The following VIPR2 variants were observed in gnomAD, a reference collection of about 807,000 sequenced individuals.
The protein encoded by VIPR2 is vasoactive intestinal peptide receptor 2.
A neutral mutation model predicts 58.0 loss-of-function variants in VIPR2; 48 were observed. That is an observed-to-expected ratio of 0.83 (90% CI 0.66 to 1.05). The LOEUF is 1.05. Among genes scored for constraint, VIPR2 ranks in the 50% least tolerant of loss-of-function variants. The pLI is 0.00. For missense variants in VIPR2, 534 were observed against 558.0 expected (o/e 0.96, Z 0.43); for synonymous variants, 243 against 235.2 (o/e 1.03, Z -0.30).
intron 2 of VIPR2, among the ~76,000 whole-genome samples, chr7:159,114,841 A>AG (rs1416793892): frequency 2.4e-5 from 3 of 127,338 alleles, no homozygotes; most frequent in Non-Finnish European, 4.9e-5. Flanking sequence ...GGAAGAAGGG[A>AG]GGGAGGGAGG....
intron 2 of VIPR2, among the ~76,000 whole-genome samples, chr7:159,129,932 C>T (rs1217815908): frequency 5.0e-5 from 5 of 100,558 alleles, no homozygotes; most frequent in Admixed American, 9.0e-5. Flanking sequence ...GCCAGGTGAC[C>T]AGCTTCACAC....
In VIPR2 at chr7:159,028,941, G is replaced by T. The variant is rs1192115975; in HGVS notation, c.*1675C>A. ...GAGCTTGTTGCAGCAGAGGGGTGTG[G>T]CCGGCGTGGCCCAGGGTGTGCAGGA... is the stretch of plus-strand genomic sequence containing the variant. On this transcript the variant is annotated 3_prime_UTR_variant, in exon 13 of 13. Coordinates refer to ENST00000262178, the MANE Select transcript of VIPR2 (RefSeq NM_003382.5). 1 of 152,718 alleles carries T rather than the reference G, an allele frequency of 6.5e-6. No homozygotes were observed. The highest frequency in any genetic ancestry group is 2.4e-5 in the African/African-American group (1 of 41,484). 9.5% of individuals were successfully genotyped at this position (152,718 alleles called of 1,614,324 possible).
chr7:159,137,479 C>A (rs1187299344), intron 2 of VIPR2, among the ~76,000 whole-genome samples: 2 of 152,174 alleles, frequency 1.3e-5, no homozygotes, highest in Non-Finnish European at 2.9e-5. Context: ...TGGGCTCAAG[C>A]AATCCTCCTG....
intron 4 of VIPR2, among the ~76,000 whole-genome samples, chr7:159,085,039 T>A (rs1246307821): frequency 6.6e-6 from 1 of 152,106 alleles, no homozygotes; most frequent in Non-Finnish European, 1.5e-5. Flanking sequence ...CAAGTTGAAT[T>A]TTTCTTCTTT....
intron 2 of VIPR2, among the ~76,000 whole-genome samples, chr7:159,119,221 A>T (rs571944635): frequency 4.6e-5 from 7 of 152,294 alleles, no homozygotes; most frequent in African/African-American, 1.7e-4. Context: ...GATGGGGCCC[A>T]GGCATGCAGG....
intron 2 of VIPR2, among the ~76,000 whole-genome samples, chr7:159,138,974 C>T (rs2129498096): frequency 6.6e-6 from 1 of 152,244 alleles, no homozygotes; most frequent in Admixed American, 6.5e-5. Flanking sequence ...AACATGATGC[C>T]ATCTCCTCTG....
At chr7:159,068,107 C>G (rs1356008637) in intron 4 of VIPR2, among the ~76,000 whole-genome samples, 3 of 152,200 alleles carry the variant, frequency 2.0e-5, no homozygotes, top group Non-Finnish European at 4.4e-5. Context: ...GGTGTGTTTA[C>G]TGAAAATATC....
At chr7:159,101,119 C>G (rs1858195633) in intron 4 of VIPR2, among the ~76,000 whole-genome samples, 1 of 142,036 alleles carries the variant, frequency 7.0e-6, no homozygotes, top group African/African-American at 2.7e-5. Flanking sequence ...GCGGTTCCGA[C>G]TGTTCCTGTG....
chr7:159,109,324 A>G (rs1795897202), intron 3 of VIPR2, among the ~76,000 whole-genome samples: 1 of 152,232 alleles, frequency 6.6e-6, no homozygotes, highest in Non-Finnish European at 1.5e-5. Context: ...AATTCCAGGC[A>G]GCATCAAACC....
chr7:159,095,816 CTTTTTT>C lies in VIPR2; in HGVS notation c.357+7935_357+7940del, dbSNP rs3838701. 6.6e-6 allele frequency among the ~76,000 whole-genome samples: 1 copy of C among 150,406 alleles called. No homozygotes were observed. The highest frequency in any genetic ancestry group is 2.4e-5 in the African/African-American group (1 of 41,002). ...ATCCCTTCAAAACTCTTCCTTCTCTCTTTTTTTTTTAAGTCTTTAACAGACCTCCCT... is the reference window on the plus strand; with the variant it reads ...ATCCCTTCAAAACTCTTCCTTCTCTCTTTTAAGTCTTTAACAGACCTCCCT... On this transcript the variant is annotated intron_variant, in intron 4 of 12. Coordinates refer to ENST00000262178, the MANE Select transcript of VIPR2 (RefSeq NM_003382.5). This position sits in a 1 kb window ranked among gnomAD's most constrained non-coding sequence, Gnocchi z 5.2.
At chr7:159,100,013 C>T (rs1350478631) in intron 4 of VIPR2, among the ~76,000 whole-genome samples, 2 of 152,284 alleles carry the variant, frequency 1.3e-5, no homozygotes, top group East Asian at 3.9e-4. Flanking sequence ...AGCTGGGCCC[C>T]CAACACTCAA....
chr7:159,105,992 T>C (rs1242787017), intron 3 of VIPR2, among the ~76,000 whole-genome samples: 1 of 152,182 alleles, frequency 6.6e-6, no homozygotes, highest in Non-Finnish European at 1.5e-5. Context: ...CCAATTAATC[T>C]CAGAGATGAG....
chr7:159,093,759 G>C lies in VIPR2; in HGVS notation c.357+9998C>G, dbSNP rs371831000. Among the ~76,000 whole-genome samples the C allele has an allele frequency of 7.4e-5, 9 of 121,218 alleles. No homozygotes were observed. The highest frequency in any genetic ancestry group is 7.7e-5 in the Non-Finnish European group (4 of 51,918). The allele number at this position is 121,218 out of a possible 152,430, so 79.5% of individuals were successfully genotyped here. ...ACCCCGCAGCGTCCCTGGGTCCGGA[G>C]ATGGGAGACCCCGCAGCGTCCCTGG... is the stretch of plus-strand genomic sequence containing the variant. On this transcript the variant is annotated intron_variant, in intron 4 of 12. Coordinates refer to ENST00000262178, the MANE Select transcript of VIPR2 (RefSeq NM_003382.5). The surrounding 1 kb of genome is among the most constrained non-coding windows in gnomAD (Gnocchi z 6.7).
chr7:159,054,961 T>G (rs965265965), intron 5 of VIPR2, among the ~76,000 whole-genome samples: 4 of 152,194 alleles, frequency 2.6e-5, no homozygotes, highest in Non-Finnish European at 4.4e-5. Flanking sequence ...AATATAAATG[T>G]GTGTACATAT....
chr7:159,143,996 A>AG (rs1408158370), intron 1 of VIPR2, among the ~76,000 whole-genome samples: 1 of 152,210 alleles, frequency 6.6e-6, no homozygotes, highest in Non-Finnish European at 1.5e-5. Flanking sequence ...CCAGCTGCGG[A>AG]GGGGCCGCGG....
At chr7:159,045,025 C>A (rs112516151) in intron 5 of VIPR2, among the ~76,000 whole-genome samples, 2 of 152,176 alleles carry the variant, frequency 1.3e-5, no homozygotes, top group African/African-American at 4.8e-5. Flanking sequence ...CCTGCCTTGG[C>A]CTCCCAAAGT....
In VIPR2 at chr7:159,099,913, C is replaced by T. The variant is rs1252109648; in HGVS notation, c.357+3844G>A. On this transcript the variant is annotated intron_variant, in intron 4 of 12. Transcript: ENST00000262178. The surrounding 1 kb of genome is among the most constrained non-coding windows in gnomAD (Gnocchi z 4.2). ...GTGTGATGACAGAGGCCGCAATGTT[C>T]CCCCTCTCCCTGGCTGAGCTGGGTG... 6.6e-6 allele frequency among the ~76,000 whole-genome samples: 1 copy of T among 152,148 alleles called. No homozygotes were observed. The highest frequency in any genetic ancestry group is 1.5e-5 in the Non-Finnish European group (1 of 68,028).
intron 4 of VIPR2, among the ~76,000 whole-genome samples, chr7:159,059,663 C>T (rs1014192344): frequency 3.9e-5 from 6 of 152,114 alleles, no homozygotes; most frequent in African/African-American, 1.4e-4. Flanking sequence ...TGGCCAGATC[C>T]CTTCTCCTTG....
At chr7:159,113,960 G>C (rs961308450) in intron 2 of VIPR2, among the ~76,000 whole-genome samples, 1 of 152,210 alleles carries the variant, frequency 6.6e-6, no homozygotes, top group East Asian at 1.9e-4. Flanking sequence ...GAGAACTGGG[G>C]ATGACGAGGG....
Sources: allele counts gnomAD v4.1 joint callset (sites outside exome capture counted in the v4.1 genomes callset), GRCh38; gene constraint gnomAD v4.1.1; non-coding constraint Gnocchi (gnomAD v3.1); transcripts MANE v1.5; gene names NCBI Gene and HGNC (gene_info 2026-07-23, HGNC 2026-07-21).